Variants in ITCH observed in about 807,000 individuals in gnomAD.
ITCH encodes E3 ubiquitin-protein ligase Itchy homolog.
In ITCH, 28 loss-of-function variants were observed where a neutral mutation model predicts 126.8. That is an observed-to-expected ratio of 0.22 (90% CI 0.16 to 0.30). The LOEUF (loss-of-function observed/expected upper bound fraction) is 0.30, where lower values mean the gene tolerates loss of function less well. Ranked by LOEUF, ITCH falls within the 10% of genes least tolerant of loss-of-function variation. The pLI is 1.00. For synonymous variants in ITCH, 342 were observed against 340.0 expected (o/e 1.01, Z -0.06); for missense variants, 631 against 1,032.4 (o/e 0.61, Z 5.33).
chr20:34,481,213 G>A lies in ITCH; in HGVS notation c.2093+7G>A. The A allele has an allele frequency of 6.2e-7, 1 of 1,613,198 alleles. No individual in the cohort carries two copies. The highest frequency in any genetic ancestry group is 8.5e-7 in the Non-Finnish European group (1 of 1,179,504). ...ATAAAGAGGAATACATCAGGTGAGA[G>A]TGCTCCTTTTCACATTTCACTTTTT... On this transcript the variant is annotated splice_region_variant and intron_variant, in intron 20 of 24. Transcript: ENST00000374864.
chr20:34,496,142 T>C (rs866978079), intron 23 of ITCH, among the ~76,000 whole-genome samples: 13 of 152,076 alleles, frequency 8.5e-5, no homozygotes, highest in Admixed American at 3.3e-4. Context: ...TCCACATCCT[T>C]GCCAGCATTT....
chr20:34,406,528 G>T (rs1050808640), intron 3 of ITCH, among the ~76,000 whole-genome samples: 35 of 150,460 alleles, frequency 2.3e-4, no homozygotes, highest in Admixed American at 2.3e-3. Context: ...ATATTAAGCT[G>T]CTGCTTCTTT....
rs780172193 is a variant in ITCH at position 34,408,836 on chromosome 20, A to G, written c.212+44A>G. On this transcript the variant is annotated intron_variant, in intron 4 of 24. Transcript: ENST00000374864. Reference sequence around the variant, plus strand: ...TTCTGTAGTATGTTTTGTTTAGTAGATGATTGGAAATACAATTTAAAAAAA... The same window carrying G: ...TTCTGTAGTATGTTTTGTTTAGTAGGTGATTGGAAATACAATTTAAAAAAA... 9 of 1,580,612 alleles carry G rather than the reference A, an allele frequency of 5.7e-6. No homozygotes were observed. The Admixed American group carries it at 1.4e-4, about 24-fold the overall frequency.
chr20:34,475,809 A>G lies in ITCH; in HGVS notation c.1570-1963A>G, dbSNP rs1251049890. ...TTAGTAGTTATACAAGGTGAATTAA[A>G]ATAGTAAAGCTAGTCATAATACAGA... On this transcript the variant is annotated intron_variant, in intron 16 of 24. Coordinates refer to ENST00000374864, the MANE Select transcript of ITCH (RefSeq NM_031483.7). 3 of 667,530 alleles carry G rather than the reference A, an allele frequency of 4.5e-6. No individual in the cohort carries two copies. The Admixed American group carries it at 7.2e-5, about 16-fold the overall frequency. 41.4% of individuals were successfully genotyped at this position (667,530 alleles called of 1,614,324 possible). A position where few individuals can be genotyped will look rare whatever the true frequency, so the allele number is the denominator to read the frequency against.
At chr20:34,416,458 A>T (rs954697247) in intron 6 of ITCH, among the ~76,000 whole-genome samples, 1 of 152,176 alleles carries the variant, frequency 6.6e-6, no homozygotes, top group African/African-American at 2.4e-5. Flanking sequence ...TATGAATGTC[A>T]TCTCTCAGTT....
chr20:34,505,098 C>T (rs969020576), intron 24 of ITCH, among the ~76,000 whole-genome samples: 5 of 152,060 alleles, frequency 3.3e-5, no homozygotes, highest in African/African-American at 1.2e-4. Flanking sequence ...GGCTGGAGTG[C>T]AGTGGTTTGA....
At position 34,440,364 on chromosome 20, in the gene ITCH, A is replaced by T. The variant is rs951070103; in HGVS notation, c.869+20A>T. The T allele has an allele frequency of 2.5e-6, 4 of 1,572,960 alleles. No individual in the cohort carries two copies. In the African/African-American group the frequency reaches 5.4e-5, roughly 21 times the overall value. On this transcript the variant is annotated intron_variant, in intron 9 of 24. Transcript: ENST00000374864. ...ACCTGGGTGAGTAACTTTTTAAATT[A>T]ACATATGTTGTCTTTAGGATTCTTC... is the stretch of plus-strand genomic sequence containing the variant.
chr20:34,473,393 G>A (rs182754581), intron 16 of ITCH, among the ~76,000 whole-genome samples: 17 of 152,194 alleles, frequency 1.1e-4, no homozygotes, highest in Admixed American at 8.5e-4. Context: ...TGTGGTGCTC[G>A]CCACTCCCTC....
Position 34,439,074 on chromosome 20 carries a change from G to T in ITCH, c.679+443G>T, listed in dbSNP as rs1261361553. On this transcript the variant is annotated intron_variant, in intron 8 of 24. Transcript: ENST00000374864. ...TACACAACAAACAAGCATATTTTAGGTAGTAAAAATGTGAACACCTATAAG... is the reference window on the plus strand; with the variant it reads ...TACACAACAAACAAGCATATTTTAGTTAGTAAAAATGTGAACACCTATAAG... Among the ~76,000 whole-genome samples, 7 of 152,132 alleles carry T rather than the reference G, an allele frequency of 4.6e-5. No individual in the cohort carries two copies. In the South Asian group the frequency reaches 1.5e-3, roughly 32 times the overall value.
chr20:34,461,712 A>T (rs1482934510), intron 13 of ITCH, among the ~76,000 whole-genome samples: 16 of 47,906 alleles, frequency 3.3e-4, no homozygotes, highest in Non-Finnish European at 5.9e-4. Flanking sequence ...CCATCTATAA[A>T]AAAAAAAAAA....
chr20:34,369,067 C>A (rs552718420), intron 1 of ITCH, among the ~76,000 whole-genome samples: 2 of 152,144 alleles, frequency 1.3e-5, no homozygotes, highest in Non-Finnish European at 1.5e-5. Flanking sequence ...TGGTGGCTCA[C>A]GCCTGTAATC....
chr20:34,452,775 C>T (rs1375939842), intron 12 of ITCH, among the ~76,000 whole-genome samples: 2 of 152,194 alleles, frequency 1.3e-5, no homozygotes, highest in African/African-American at 2.4e-5. Context: ...AACTCCTGGC[C>T]TCAAGCAATG....
At chr20:34,501,507 G>C (rs1253258547) in intron 23 of ITCH, among the ~76,000 whole-genome samples, 1 of 152,198 alleles carries the variant, frequency 6.6e-6, no homozygotes, top group Non-Finnish European at 1.5e-5. Context: ...TGAGTGCGGT[G>C]GCTCACGCCT....
chr20:34,443,078 A>G (rs1350229384), intron 10 of ITCH, among the ~76,000 whole-genome samples: 2 of 152,156 alleles, frequency 1.3e-5, no homozygotes, highest in East Asian at 3.8e-4. Flanking sequence ...AATTATTTAA[A>G]TGAATAAGAA....
At chr20:34,365,788 A>G (rs1351298614) in intron 1 of ITCH, among the ~76,000 whole-genome samples, 7 of 152,180 alleles carry the variant, frequency 4.6e-5, no homozygotes. Flanking sequence ...CATTAGAATA[A>G]TTAGGAGAGC....
At chr20:34,502,699 CAAA>C (rs1388393941) in intron 23 of ITCH, among the ~76,000 whole-genome samples, 1 of 127,724 alleles carries the variant, frequency 7.8e-6, no homozygotes, top group Non-Finnish European at 1.7e-5. Flanking sequence ...GACTCCGCCT[CAAA>C]AAAAAAAAGA....
chr20:34,385,938 G>A (rs567526626), intron 2 of ITCH, among the ~76,000 whole-genome samples: 4 of 152,196 alleles, frequency 2.6e-5, no homozygotes, highest in African/African-American at 9.6e-5. Context: ...GAAAGCAACC[G>A]CCTTCCCTAT....
chr20:34,449,464 A>G lies in ITCH; in HGVS notation c.1194A>G (p.Pro398=), dbSNP rs1250177315. The G allele has an allele frequency of 9.3e-6, 15 of 1,609,904 alleles. No homozygotes were observed. The highest frequency in any genetic ancestry group is 2.2e-5 in the East Asian group (1 of 44,826). ...SQSKEFDPLG[P]LPPGWEKRTD... ...GTAAAGAATTTGATCCTCTTGGTCCATTGCCACCTGGATGGGGTAAGTCAC... is the reference window on the plus strand; with the variant it reads ...GTAAAGAATTTGATCCTCTTGGTCCGTTGCCACCTGGATGGGGTAAGTCAC... The change falls in exon 12 of 25, where the codon CCA becomes CCG. Residue 398 remains proline (P), a synonymous_variant. Transcript: ENST00000374864.
chr20:34,406,409 A>G (rs2039059223), intron 3 of ITCH, among the ~76,000 whole-genome samples: 1 of 152,190 alleles, frequency 6.6e-6, no homozygotes, highest in Non-Finnish European at 1.5e-5. Context: ...AATGCCAGCA[A>G]AAAGGCACAT....
Sources: allele counts gnomAD v4.1 joint callset (sites outside exome capture counted in the v4.1 genomes callset), GRCh38; gene constraint gnomAD v4.1.1; transcripts MANE v1.5; gene names NCBI Gene and HGNC (gene_info 2026-07-23, HGNC 2026-07-21).